The following PITPNM3 variants were observed in gnomAD, a reference collection of about 807,000 sequenced individuals.
PITPNM3 encodes membrane-associated phosphatidylinositol transfer protein 3.
PITPNM3 carries 26 observed loss-of-function variants against 102.0 expected under a neutral mutation model. The observed-to-expected ratio is 0.25, with a 90% confidence interval of 0.19 to 0.35. The LOEUF (loss-of-function observed/expected upper bound fraction) is 0.35. Ranked by LOEUF, PITPNM3 falls within the 10% of genes least tolerant of loss-of-function variation. The pLI, the probability that PITPNM3 is intolerant of heterozygous loss-of-function variation, is 1.00. For missense variants in PITPNM3, 1,083 were observed against 1,346.1 expected, an observed-to-expected ratio of 0.80 and a Z score of 3.06; for synonymous variants, 578 against 558.6, an observed-to-expected ratio of 1.03 and a Z score of -0.49.
Position 6,451,873 on chromosome 17 carries a change from A to ACGC in PITPNM3, c.*3464_*3465insGCG, listed in dbSNP as rs1913851514. 2.3e-5 allele frequency: 1 copy of ACGC among 43,926 alleles called. No homozygotes were observed. Among genetic ancestry groups the ACGC allele is most frequent in the African/African-American group, 8.5e-5 (1 of 11,826 alleles). 2.7% of individuals were successfully genotyped at this position (43,926 alleles called of 1,614,324 possible). A position where few individuals can be genotyped will look rare whatever the true frequency, so the allele number is the denominator to read the frequency against. On this transcript the variant is annotated 3_prime_UTR_variant, in exon 20 of 20. Transcript: ENST00000262483. ...GGTTTCCAGGGCACTTGGCACCCAA[A>ACGC]CCCCCCCCCCCCGCCCGCCGATGGG...
At chr17:6,494,063 A>G (rs1906653192) in intron 4 of PITPNM3, among the ~76,000 whole-genome samples, 1 of 152,166 alleles carries the variant, frequency 6.6e-6, no homozygotes, top group Non-Finnish European at 1.5e-5. Context: ...ACTGGTCCTG[A>G]GTTTCTAGTC....
chr17:6,518,793 G>A (rs960506970), intron 3 of PITPNM3, among the ~76,000 whole-genome samples: 1 of 152,120 alleles, frequency 6.6e-6, no homozygotes, highest in African/African-American at 2.4e-5. Context: ...AACAATGAGG[G>A]GAATGAGAAA....
At chr17:6,486,421 C>T (rs1163779921) in intron 4 of PITPNM3, among the ~76,000 whole-genome samples, 1 of 152,158 alleles carries the variant, frequency 6.6e-6, no homozygotes, top group Non-Finnish European at 1.5e-5. Context: ...TGTCAACATC[C>T]CCTCACCATG....
chr17:6,525,231 G>A, intron 3 of PITPNM3, 125 bp downstream of exon 3: 1 of 871,044 alleles, frequency 1.1e-6, no homozygotes. Flanking sequence ...ATGCTATGAA[G>A]GAGGAACCAA....
Position 6,455,611 on chromosome 17 carries a change from G to A in PITPNM3, c.2652C>T (p.Ala884=), listed in dbSNP as rs772469663. The change falls in exon 20 of 20, where the codon GCC becomes GCT. Residue 884 remains alanine (A), a synonymous_variant. Transcript: ENST00000262483. Reference sequence around the variant, plus strand: ...GTGAGCGGTGGCTGGCCTCCAGCGCGGCCAGGTGTGCGGCGTAGCCCTCGC... The same window carrying A: ...GTGAGCGGTGGCTGGCCTCCAGCGCAGCCAGGTGTGCGGCGTAGCCCTCGC... ...FLSEGYAAHL[A]ALEASHRSRP... is the part of the protein sequence containing the mutation. 2.8e-5 allele frequency: 44 copies of A among 1,587,220 alleles called. No homozygotes were observed. The highest frequency in any genetic ancestry group is 1.1e-4 in the South Asian group (10 of 90,376).
chr17:6,453,114 T>C lies in PITPNM3; in HGVS notation c.*2224A>G, dbSNP rs1025361621. 2 of 139,896 alleles carry C rather than the reference T, an allele frequency of 1.4e-5. No individual in the cohort carries two copies. Among genetic ancestry groups the C allele is most frequent in the Non-Finnish European group, 2.9e-5 (2 of 67,806 alleles). 8.7% of individuals were successfully genotyped at this position (139,896 alleles called of 1,614,324 possible). ...CTGTCTTCCTTTCTTTCTCTCTCTCTTTCTCTCTCCCTCTCTCTCTCTCTC... is the reference window on the plus strand; with the variant it reads ...CTGTCTTCCTTTCTTTCTCTCTCTCCTTCTCTCTCCCTCTCTCTCTCTCTC... On this transcript the variant is annotated 3_prime_UTR_variant, in exon 20 of 20. Transcript: ENST00000262483.
rs950805079 is a variant in PITPNM3 at position 6,457,422 on chromosome 17, C to T, written c.2619+172G>A. On this transcript the variant is annotated intron_variant, in intron 19 of 19. Coordinates refer to ENST00000262483, the MANE Select transcript of PITPNM3 (RefSeq NM_031220.4). This position sits in a 1 kb window ranked among gnomAD's most constrained non-coding sequence, Gnocchi z 4.7. The stretch of plus-strand genomic sequence containing the variant: ...CTCCACTTGGGATTCTCCCCCTGCA[C>T]CCAACACAGGCCCTGGCCCAAGGCA... Among the ~76,000 whole-genome samples the T allele has an allele frequency of 6.6e-6, 1 of 152,264 alleles. No individual in the cohort carries two copies. Among genetic ancestry groups the T allele is most frequent in the Non-Finnish European group, 1.5e-5 (1 of 68,048 alleles).
Position 6,459,532 on chromosome 17 carries a change from C to T in PITPNM3, c.2491-1810G>A, listed in dbSNP as rs1904352452. Among the ~76,000 whole-genome samples, 1 of 152,132 alleles carries T rather than the reference C, an allele frequency of 6.6e-6. No individual in the cohort carries two copies. The highest frequency in any genetic ancestry group is 2.4e-5 in the African/African-American group (1 of 41,436). ...CCTGCAGCCCAGAACTACCCTAAGCCATATCAGGTCCCGTGGCTGTATCAG... is the reference window on the plus strand; with the variant it reads ...CCTGCAGCCCAGAACTACCCTAAGCTATATCAGGTCCCGTGGCTGTATCAG... On this transcript the variant is annotated intron_variant, in intron 18 of 19. Transcript: ENST00000262483. The surrounding 1 kb of genome is among the most constrained non-coding windows in gnomAD (Gnocchi z 5.0).
chr17:6,525,300 C>T lies in PITPNM3; in HGVS notation c.226+56G>A, dbSNP rs3809834. 185 of 1,485,440 alleles carry T rather than the reference C, an allele frequency of 1.2e-4. 1 individual carries two copies. Among genetic ancestry groups the T allele is most frequent in the South Asian group, 5.9e-4 (52 of 88,626 alleles). 92.0% of individuals were successfully genotyped at this position (1,485,440 alleles called of 1,614,324 possible). On this transcript the variant is annotated intron_variant, in intron 3 of 19. Coordinates refer to ENST00000262483, the MANE Select transcript of PITPNM3 (RefSeq NM_031220.4). ...CAGCCCCAGTCACCAGCCCTACAGC[C>T]CCCCCTGCAACACACCTATGTGCAC...
At chr17:6,551,417 T>A (rs893030919) in intron 1 of PITPNM3, among the ~76,000 whole-genome samples, 15 of 152,236 alleles carry the variant, frequency 9.9e-5, no homozygotes, top group African/African-American at 3.6e-4. Flanking sequence ...TTGACCATAT[T>A]TGACCATAAC....
At position 6,474,549 on chromosome 17, in the gene PITPNM3, G is replaced by T. The variant is rs1382511903; in HGVS notation, c.1141C>A (p.Gln381Lys). Residue 381 changes from glutamine (Q) to lysine (K), a missense_variant, in exon 10 of 20, where the codon CAG (glutamine) becomes AAG (lysine). Physicochemically the swap from Gln to Lys is moderately conservative, Grantham distance 53. Coordinates refer to ENST00000262483, the MANE Select transcript of PITPNM3 (RefSeq NM_031220.4). ...CGGCCCAGGCTGACCTCAGGGAGCT[G>T]CGGCCCCCCAGCCGCCGGGGTCTCA... ...ESETPAAGGPQLPEVSLGRFD... is the reference protein window; with the variant it reads ...ESETPAAGGPKLPEVSLGRFD... The T allele has an allele frequency of 6.2e-7, 1 of 1,605,338 alleles. No individual in the cohort carries two copies. The highest frequency in any genetic ancestry group is 1.3e-5 in the African/African-American group (1 of 74,826).
intron 4 of PITPNM3, among the ~76,000 whole-genome samples, chr17:6,495,659 G>C (rs539154252): frequency 6.6e-6 from 1 of 152,244 alleles, no homozygotes; most frequent in East Asian, 1.9e-4. Context: ...CCTTGCACAT[G>C]TGTGCATGCT....
At chr17:6,486,575 C>T (rs1378607300) in intron 4 of PITPNM3, among the ~76,000 whole-genome samples, 2 of 152,186 alleles carry the variant, frequency 1.3e-5, no homozygotes, top group African/African-American at 4.8e-5. Flanking sequence ...GAGCTACTGC[C>T]CACACAGACA....
At chr17:6,485,381 C>T (rs1394739987) in intron 4 of PITPNM3, among the ~76,000 whole-genome samples, 4 of 151,984 alleles carry the variant, frequency 2.6e-5, no homozygotes, top group African/African-American at 9.7e-5. Flanking sequence ...TGGTCTCAAA[C>T]TCCTGACCTC....
chr17:6,481,815 A>G (rs12947123), intron 6 of PITPNM3: 24,657 of 143,570 alleles, frequency 0.17, 2,345 homozygotes, highest in Non-Finnish European at 0.19. Flanking sequence ...GGATGGACGG[A>G]TGGATGGATG....
chr17:6,496,765 G>T (rs1306602102), intron 4 of PITPNM3, among the ~76,000 whole-genome samples: 1 of 152,066 alleles, frequency 6.6e-6, no homozygotes, highest in Admixed American at 6.6e-5. Flanking sequence ...CTAATCATTT[G>T]TTCCCATTTT....
intron 3 of PITPNM3, among the ~76,000 whole-genome samples, chr17:6,518,143 G>A (rs1007495587): frequency 2.6e-5 from 4 of 152,152 alleles, no homozygotes; most frequent in Non-Finnish European, 4.4e-5. Flanking sequence ...GGGTCACATT[G>A]TCCGATCATA....
intron 3 of PITPNM3, among the ~76,000 whole-genome samples, chr17:6,505,828 A>G (rs1907471762): frequency 6.6e-6 from 1 of 152,260 alleles, no homozygotes; most frequent in African/African-American, 2.4e-5. Context: ...ACCTCTGTGC[A>G]GAGAAGCACA....
In PITPNM3 at chr17:6,452,591, G is replaced by A. The variant is rs968525496; in HGVS notation, c.*2747C>T. 12 of 152,210 alleles carry A rather than the reference G, an allele frequency of 7.9e-5. No individual in the cohort carries two copies. The highest frequency in any genetic ancestry group is 2.9e-4 in the African/African-American group (12 of 41,442). The allele number at this position is 152,210 out of a possible 1,614,324, so 9.4% of individuals were successfully genotyped here. On this transcript the variant is annotated 3_prime_UTR_variant, in exon 20 of 20. Transcript: ENST00000262483. Reference sequence around the variant, plus strand: ...CCAACTTAACCGGACAGACAAAACTGAGCAAACCGCTAGTGTAGAAAGAGC... The same window carrying A: ...CCAACTTAACCGGACAGACAAAACTAAGCAAACCGCTAGTGTAGAAAGAGC...
Sources: allele counts gnomAD v4.1 joint callset (sites outside exome capture counted in the v4.1 genomes callset), GRCh38; gene constraint gnomAD v4.1.1; non-coding constraint Gnocchi (gnomAD v3.1); transcripts MANE v1.5; gene names NCBI Gene and HGNC (gene_info 2026-07-23, HGNC 2026-07-21).